Variants in ACTN1 observed in about 807,000 individuals in gnomAD.
ACTN1 encodes actinin alpha 1.
A neutral mutation model predicts 119.6 loss-of-function variants in ACTN1; 30 were observed. That is an observed-to-expected ratio of 0.25 (90% CI 0.19 to 0.34). The LOEUF (loss-of-function observed/expected upper bound fraction) is 0.34. Ranked by LOEUF, ACTN1 falls within the 10% of genes least tolerant of loss-of-function variation. ACTN1 has a pLI of 1.00. For synonymous variants in ACTN1, 429 were observed against 472.6 expected, an observed-to-expected ratio of 0.91 and a Z score of 1.20; for missense variants, 764 against 1,223.4, an observed-to-expected ratio of 0.62 and a Z score of 5.60.
At position 68,874,873 on chromosome 14, in the gene ACTN1, C is replaced by T. The variant is rs2030669020; in HGVS notation, c.2731G>A (p.Glu911Lys). Residue 911 changes from glutamate (E) to lysine (K), a missense_variant, in exon 22 of 22, where the codon GAG becomes AAG. This residue lies in a region of ACTN1 where 102 missense variants were observed against 78.2 expected (regional missense o/e 1.30). Transcript: ENST00000394419. ...YMSFSTALYG[E>K]SDL ...GGCGGGGTGGATTAGAGGTCACTCT[C>T]GCCGTACAGCGCCGTGGAGAAGGAC... is the stretch of plus-strand genomic sequence containing the variant. 1 of 1,586,936 alleles carries T rather than the reference C, an allele frequency of 6.3e-7. No individual in the cohort carries two copies. The highest frequency in any genetic ancestry group is 8.6e-7 in the Non-Finnish European group (1 of 1,159,950).
intron 2 of ACTN1, among the ~76,000 whole-genome samples, chr14:68,921,711 T>C (rs1016741315): frequency 3.3e-5 from 5 of 152,156 alleles, no homozygotes; most frequent in African/African-American, 1.2e-4. Flanking sequence ...CCCTTTGCCC[T>C]GGGAGGAGGG....
intron 3 of ACTN1, among the ~76,000 whole-genome samples, chr14:68,913,012 C>A (rs2034093423): frequency 6.6e-6 from 1 of 152,168 alleles, no homozygotes; most frequent in African/African-American, 2.4e-5. Flanking sequence ...TTGAACTATC[C>A]ACTGACTCAA....
At chr14:68,929,095 C>T (rs4435181) in intron 1 of ACTN1, among the ~76,000 whole-genome samples, 1 of 42,440 alleles carries the variant, frequency 2.4e-5, no homozygotes, top group Non-Finnish European at 4.2e-5. Context: ...AACTGTGGTG[C>T]GTTCGTGGGA....
chr14:68,978,137 G>A (rs2037132767), intron 1 of ACTN1: 1 of 455,824 alleles, frequency 2.2e-6, no homozygotes, highest in Non-Finnish European at 4.4e-6. Flanking sequence ...GCTAAGTAGG[G>A]ATCCCCAGTG....
In ACTN1 at chr14:68,884,075, T is replaced by C. The variant is rs560597057; in HGVS notation, c.1635+93A>G. 3.0e-5 allele frequency: 40 copies of C among 1,330,876 alleles called. No individual in the cohort carries two copies. The African/African-American group carries it at 3.8e-4, about 13-fold the overall frequency. 82.4% of individuals were successfully genotyped at this position (1,330,876 alleles called of 1,614,324 possible). ...GGTCTATAAAATCCTTAGGATGCTC[T>C]TCCTCAGGGGGCAGTCCTGCAAAAG... On this transcript the variant is annotated intron_variant, in intron 14 of 21. Coordinates refer to ENST00000394419, the MANE Select transcript of ACTN1 (RefSeq NM_001130004.2).
rs116442467 is a variant in ACTN1, at chr14:68,973,010, G to A, written c.105+5942C>T. ...GAAGGGGCCAGTTGGGGTCATGAAC[G>A]TTGCCACACACAGCTTTGGGGCCTG... On this transcript the variant is annotated intron_variant, in intron 1 of 21. Coordinates refer to ENST00000394419, the MANE Select transcript of ACTN1 (RefSeq NM_001130004.2). 1.0e-3 allele frequency among the ~76,000 whole-genome samples: 157 copies of A among 152,298 alleles called. 1 individual carries two copies. Among genetic ancestry groups the A allele is most frequent in the African/African-American group, 3.7e-3 (154 of 41,564 alleles).
rs556026059 is a variant in ACTN1, at chr14:68,910,153, T to G, written c.428-111A>C. Reference sequence around the variant, plus strand: ...CCTTTGATGCCAACCCTGCAGCTACTGAAGGAGGAGCCCTGGCCATCAAGT... The same window carrying G: ...CCTTTGATGCCAACCCTGCAGCTACGGAAGGAGGAGCCCTGGCCATCAAGT... On this transcript the variant is annotated intron_variant, in intron 4 of 21. Transcript: ENST00000394419. 1.7e-5 allele frequency: 13 copies of G among 760,736 alleles called. No individual in the cohort carries two copies. In the East Asian group the frequency reaches 3.2e-4, roughly 19 times the overall value. The allele number at this position is 760,736 out of a possible 1,614,324, so 47.1% of individuals were successfully genotyped here. A position where few individuals can be genotyped will look rare whatever the true frequency, so the allele number is the denominator to read the frequency against.
Position 68,909,512 on chromosome 14 carries a change from G to T in ACTN1, c.516-116C>A. 1.1e-6 allele frequency: 1 copy of T among 924,144 alleles called. No homozygotes were observed. Among genetic ancestry groups the T allele is most frequent in the South Asian group, 1.4e-5 (1 of 69,568 alleles). 57.2% of individuals were successfully genotyped at this position (924,144 alleles called of 1,614,324 possible). ...AGAGATGAACACATAGAGCTTTCTGGGGTAGGAGTTAGAAGACAGGATGGG... is the reference window on the plus strand; with the variant it reads ...AGAGATGAACACATAGAGCTTTCTGTGGTAGGAGTTAGAAGACAGGATGGG... On this transcript the variant is annotated intron_variant, in intron 5 of 21. Coordinates refer to ENST00000394419, the MANE Select transcript of ACTN1 (RefSeq NM_001130004.2). This position sits in a 1 kb window ranked among gnomAD's most constrained non-coding sequence, Gnocchi z 4.1.
chr14:68,942,339 C>T (rs2035788374), intron 1 of ACTN1, among the ~76,000 whole-genome samples: 1 of 151,624 alleles, frequency 6.6e-6, no homozygotes, highest in African/African-American at 2.4e-5. Context: ...CATAATCATA[C>T]CACTGCATTC....
intron 8 of ACTN1, among the ~76,000 whole-genome samples, chr14:68,901,223 TTTTTGTTTTG>T (rs1173125757): frequency 6.1e-5 from 9 of 147,392 alleles, no homozygotes; most frequent in African/African-American, 2.3e-4. Flanking sequence ...TTTTGTTTTT[TTTTTGTTTTG>T]TTTTGTTTTT....
intron 11 of ACTN1, 72 bp downstream of exon 11, chr14:68,890,067 G>C (rs2032353470): frequency 6.4e-7 from 1 of 1,563,450 alleles, no homozygotes; most frequent in African/African-American, 1.4e-5. Flanking sequence ...GAATAGCATA[G>C]TGGCTGCTGG....
At chr14:68,967,315 C>T (rs1237743786) in intron 1 of ACTN1, among the ~76,000 whole-genome samples, 1 of 152,236 alleles carries the variant, frequency 6.6e-6, no homozygotes, top group African/African-American at 2.4e-5. Context: ...ACAGCTGCCA[C>T]ACTCCTGTCC....
chr14:68,898,954 A>C (rs1357633325), intron 8 of ACTN1, among the ~76,000 whole-genome samples: 2 of 141,066 alleles, frequency 1.4e-5, no homozygotes, highest in African/African-American at 5.3e-5. Flanking sequence ...ACTCCCCTTC[A>C]CTCCACACAC....
Position 68,979,141 on chromosome 14 carries a change from A to AGGGCTGGGCTGGGCT in ACTN1, c.-100_-86dup, listed in dbSNP as rs61251565. The AGGGCTGGGCTGGGCT allele has an allele frequency of 2.9e-5, 12 of 414,968 alleles. No individual in the cohort carries two copies. The East Asian group carries it at 9.8e-4, about 34-fold the overall frequency. The allele number at this position is 414,968 out of a possible 1,614,324, so 25.7% of individuals were successfully genotyped here. On this transcript the variant is annotated 5_prime_UTR_variant, in exon 1 of 22. Transcript: ENST00000394419. ...TGCTGCCCTGGCGTGGGGAGGGAGT[A>AGGGCTGGGCTGGGCT]GGGCTGGGCTGGGCTGGGCTGGCGG...
chr14:68,976,646 G>C (rs1254313847), intron 1 of ACTN1, among the ~76,000 whole-genome samples: 4 of 152,186 alleles, frequency 2.6e-5, no homozygotes, highest in African/African-American at 4.8e-5. Context: ...CTCTGGCTGC[G>C]AGGCCCAGCT....
In ACTN1 at chr14:68,881,061, C is replaced by CA; in HGVS notation, c.1954-73dup. ...CCCATAGGGTGGGGACTGGGGCCTC[C>CA]AAAATCACTTATTAAGCCCTCAAAT... On this transcript the variant is annotated intron_variant, in intron 16 of 21. Coordinates refer to ENST00000394419, the MANE Select transcript of ACTN1 (RefSeq NM_001130004.2). 6.2e-6 allele frequency: 9 copies of CA among 1,458,644 alleles called. No homozygotes were observed. The South Asian group carries it at 1.1e-4, about 18-fold the overall frequency. The allele number at this position is 1,458,644 out of a possible 1,614,324, so 90.4% of individuals were successfully genotyped here. A position where few individuals can be genotyped will look rare whatever the true frequency, so the allele number is the denominator to read the frequency against.
chr14:68,949,338 G>C (rs1289394119), intron 1 of ACTN1, among the ~76,000 whole-genome samples: 2 of 152,200 alleles, frequency 1.3e-5, no homozygotes, highest in South Asian at 2.1e-4. Context: ...GGAAGGGTGG[G>C]GACCTGGCCC....
chr14:68,972,366 G>A (rs1001373850), intron 1 of ACTN1, among the ~76,000 whole-genome samples: 2 of 152,152 alleles, frequency 1.3e-5, no homozygotes, highest in Non-Finnish European at 2.9e-5. Flanking sequence ...CACACAAACA[G>A]GGGAAGAGGG....
In ACTN1 at chr14:68,875,026, A is replaced by G. The variant is rs200879748; in HGVS notation, c.2587-9T>C. The G allele has an allele frequency of 3.1e-6, 5 of 1,612,326 alleles. No homozygotes were observed. Among genetic ancestry groups the G allele is most frequent in the Non-Finnish European group, 4.2e-6 (5 of 1,179,972 alleles). On this transcript the variant is annotated splice_polypyrimidine_tract_variant and intron_variant, in intron 21 of 21. Coordinates refer to ENST00000394419, the MANE Select transcript of ACTN1 (RefSeq NM_001130004.2). ...TCCATGGTAATGTAGTTCTGCGAGG[A>G]GAGAGTGGTCAGGAAGGCCGCAAAG...
Sources: allele counts gnomAD v4.1 joint callset (sites outside exome capture counted in the v4.1 genomes callset), GRCh38; gene constraint gnomAD v4.1.1; regional missense constraint gnomAD v4.1.1; non-coding constraint Gnocchi (gnomAD v3.1); transcripts MANE v1.5; gene names NCBI Gene and HGNC (gene_info 2026-07-23, HGNC 2026-07-21).